The following OR8B2 variants were observed in gnomAD, a reference collection of about 807,000 sequenced individuals.
OR8B2 encodes the protein olfactory receptor 8B2.
For missense variants in OR8B2, 304 were observed against 379.6 expected (o/e 0.80, Z 1.65); for synonymous variants, 98 against 138.2 (o/e 0.71, Z 2.04).
chr11:124,391,098 C>T, the OR8B2 span, among the ~76,000 whole-genome samples: 4 of 152,152 alleles, frequency 2.6e-5, no homozygotes, highest in Admixed American at 2.0e-4. Context: ...GACTTGTTCA[C>T]CTGTCTTTAT....
chr11:124,386,246 G>T (rs1034050376), upstream of OR8B2, among the ~76,000 whole-genome samples: 5 of 148,260 alleles, frequency 3.4e-5, no homozygotes, highest in Admixed American at 3.4e-4. Flanking sequence ...CTTCTGATTT[G>T]CTTCATTTTT....
chr11:124,397,076 G>C, the OR8B2 span: 1 of 1,613,896 alleles, frequency 6.2e-7, no homozygotes, highest in African/African-American at 1.3e-5. Flanking sequence ...CAACATAGGA[G>C]ATAATATTCT....
chr11:124,384,189 C>G (rs1437226442), intron 1 of OR8B2, among the ~76,000 whole-genome samples, 185 bp downstream of exon 1: 1 of 152,052 alleles, frequency 6.6e-6, no homozygotes, highest in East Asian at 1.9e-4. Flanking sequence ...GGATGTGTCA[C>G]TTGGAACTGC....
the OR8B2 span, among the ~76,000 whole-genome samples, chr11:124,391,772 A>G: frequency 2.6e-5 from 4 of 152,080 alleles, no homozygotes; most frequent in South Asian, 4.1e-4. Context: ...TGAGGCTAGC[A>G]TCATCCTGAT....
At chr11:124,396,230 T>C in the OR8B2 span, 3 of 590,566 alleles carry the variant, frequency 5.1e-6, no homozygotes, top group African/African-American at 1.9e-5. Flanking sequence ...AGTAAAATTG[T>C]GAGAAGTGCC....
chr11:124,385,788 A>G (rs1860689569), upstream of OR8B2, among the ~76,000 whole-genome samples: 1 of 151,112 alleles, frequency 6.6e-6, no homozygotes, highest in Non-Finnish European at 1.5e-5. Context: ...ATGCCACCAC[A>G]CCTGGCTAAT....
At chr11:124,388,666 C>G (rs1409313803), upstream of OR8B2, among the ~76,000 whole-genome samples, 3 of 152,058 alleles carry the variant, frequency 2.0e-5, no homozygotes, top group Non-Finnish European at 4.4e-5. Context: ...TTTATTTCAT[C>G]AAATGACCTT....
At chr11:124,395,932 A>T in the OR8B2 span, 1 of 154,130 alleles carries the variant, frequency 6.5e-6, no homozygotes, top group East Asian at 1.9e-4. Flanking sequence ...AAAGGACAAG[A>T]TCAAGGGGTG....
At chr11:124,388,085 C>T (rs1339034025), upstream of OR8B2, among the ~76,000 whole-genome samples, 22 of 151,410 alleles carry the variant, frequency 1.5e-4, no homozygotes, top group East Asian at 1.4e-3. Context: ...TATAAGAATG[C>T]TTGTGATTTT....
At chr11:124,388,166 C>T (rs1470575435), upstream of OR8B2, among the ~76,000 whole-genome samples, 1 of 151,986 alleles carries the variant, frequency 6.6e-6, no homozygotes, top group African/African-American at 2.4e-5. Flanking sequence ...TGGGCTGAGA[C>T]AATGGGGTTT....
At chr11:124,396,291 T>G in the OR8B2 span, 1 of 911,690 alleles carries the variant, frequency 1.1e-6, no homozygotes, top group East Asian at 2.7e-5. Flanking sequence ...AGAGAAATGA[T>G]AAGACAAGTT....
the OR8B2 span, among the ~76,000 whole-genome samples, chr11:124,389,536 A>T: frequency 6.6e-6 from 1 of 152,176 alleles, no homozygotes; most frequent in Admixed American, 6.6e-5. Flanking sequence ...CTCCTGCTTA[A>T]TTCTACCAGG....
chr11:124,397,250 G>A, the OR8B2 span: 1 of 1,540,204 alleles, frequency 6.5e-7, no homozygotes, highest in Non-Finnish European at 8.9e-7. Flanking sequence ...TGACAATGTA[G>A]ACCACTAGAA....
chr11:124,392,867 T>G, the OR8B2 span, among the ~76,000 whole-genome samples: 1 of 150,168 alleles, frequency 6.7e-6, no homozygotes, highest in Non-Finnish European at 1.5e-5. Context: ...CAAACTATAC[T>G]ACAAGGCTAC....
Position 124,382,948 on chromosome 11 carries a change from A to G in OR8B2, c.396T>C (p.Tyr132=). 6.2e-7 allele frequency: 1 copy of G among 1,612,208 alleles called. No homozygotes were observed. The highest frequency in any genetic ancestry group is 8.5e-7 in the Non-Finnish European group (1 of 1,178,808). The change falls in exon 2 of 2, where the codon TAT becomes TAC. Residue 132 remains tyrosine (Y), a synonymous_variant. Coordinates refer to ENST00000641451, the MANE Select transcript of OR8B2 (RefSeq NM_001005468.2). ...AGACCTGATGGGACATGGTGACCTT[A>G]TACAGCAATGGATTACAGATGGCCA... is the stretch of plus-strand genomic sequence containing the variant. The part of the protein sequence containing the change: ...RYVAICNPLL[Y]KVTMSHQVCS...
At chr11:124,388,778 G>A (rs916993866), upstream of OR8B2, among the ~76,000 whole-genome samples, 4 of 151,254 alleles carry the variant, frequency 2.6e-5, no homozygotes, top group Non-Finnish European at 5.9e-5. Context: ...AATTAAAATT[G>A]AAACTTGTAC....
At chr11:124,388,101 A>G (rs1218539470), upstream of OR8B2, among the ~76,000 whole-genome samples, 3 of 152,290 alleles carry the variant, frequency 2.0e-5, no homozygotes, top group African/African-American at 4.8e-5. Context: ...ATTTTTGTAC[A>G]TTGATTTTGT....
the OR8B2 span, among the ~76,000 whole-genome samples, chr11:124,393,353 A>G: frequency 5.4e-3 from 800 of 147,586 alleles, 4 homozygotes; most frequent in Non-Finnish European, 8.4e-3. Context: ...GAAAATTTTC[A>G]CAACCCTCAT....
Position 124,382,562 on chromosome 11 carries a change from T to A in OR8B2, c.782A>T (p.Lys261Ile). ...FFGSAAFMYI[K>I]YSSGSMEQGK... Reference sequence around the variant, plus strand: ...CTGCTCCATAGATCCAGAAGAATATTTAATATACATGAATGCCGCTGACCC... The same window carrying A: ...CTGCTCCATAGATCCAGAAGAATATATAATATACATGAATGCCGCTGACCC... The change falls in exon 2 of 2, where the codon AAA becomes ATA. Residue 261 changes from lysine to isoleucine, a missense_variant. Physicochemically the swap from Lys to Ile is moderately radical, Grantham distance 102 (BLOSUM62 -3). Transcript: ENST00000641451. The A allele has an allele frequency of 6.2e-7, 1 of 1,613,312 alleles. No individual in the cohort carries two copies. The highest frequency in any genetic ancestry group is 8.5e-7 in the Non-Finnish European group (1 of 1,179,660).
Sources: allele counts gnomAD v4.1 joint callset (sites outside exome capture counted in the v4.1 genomes callset), GRCh38; gene constraint gnomAD v4.1.1; transcripts MANE v1.5; gene names NCBI Gene and HGNC (gene_info 2026-07-23, HGNC 2026-07-21).